Variants in R3HDM2 observed in about 807,000 individuals in gnomAD.
R3HDM2 encodes the protein R3H domain-containing protein 2.
A neutral mutation model predicts 124.5 loss-of-function variants in R3HDM2; 38 were observed. The observed-to-expected ratio is 0.31, with a 90% CI of 0.24 to 0.40. The LOEUF (loss-of-function observed/expected upper bound fraction) is 0.40, where lower values mean the gene tolerates loss of function less well. Ranked by LOEUF, R3HDM2 falls within the 10% of genes least tolerant of loss-of-function variation. The pLI, the probability that R3HDM2 is intolerant of heterozygous loss-of-function variation, is 1.00. For synonymous variants in R3HDM2, 391 were observed against 448.0 expected (o/e 0.87, Z 1.61); for missense variants, 869 against 1,236.9 (o/e 0.70, Z 4.46).
intron 14 of R3HDM2, among the ~76,000 whole-genome samples, chr12:57,275,518 A>AC (rs1444566803): frequency 2.1e-5 from 3 of 145,288 alleles, no homozygotes; most frequent in African/African-American, 5.0e-5. Flanking sequence ...AAAAAAAAAA[A>AC]CAGCAGAGGA....
intron 4 of R3HDM2, among the ~76,000 whole-genome samples, chr12:57,300,517 T>C (rs1443040187): frequency 2.0e-5 from 3 of 152,222 alleles, no homozygotes; most frequent in Non-Finnish European, 4.4e-5. Context: ...CAACATAGCA[T>C]AGTAGAAAGA....
At chr12:57,287,572 AGAAAGGACAACAGG>A (rs1041646645) in intron 12 of R3HDM2, among the ~76,000 whole-genome samples, 6 of 152,212 alleles carry the variant, frequency 3.9e-5, no homozygotes, top group Non-Finnish European at 8.8e-5. Flanking sequence ...GGCTAGCTTT[AGAAAGGACAACAGG>A]GAAAGGACAA....
chr12:57,311,346 C>A (rs1476202977), intron 2 of R3HDM2, among the ~76,000 whole-genome samples: 2 of 151,824 alleles, frequency 1.3e-5, no homozygotes, highest in African/African-American at 4.8e-5. Flanking sequence ...CTGCCTCAGC[C>A]TCCTGAGTAG....
intron 2 of R3HDM2, among the ~76,000 whole-genome samples, chr12:57,390,321 A>G (rs910968243): frequency 3.3e-5 from 5 of 152,184 alleles, no homozygotes; most frequent in Admixed American, 6.5e-5. Context: ...CTTAATCCCT[A>G]AACAGTGTTT....
intron 9 of R3HDM2, among the ~76,000 whole-genome samples, chr12:57,295,822 T>A (rs2049686195): frequency 6.6e-6 from 1 of 152,194 alleles, no homozygotes; most frequent in Non-Finnish European, 1.5e-5. Flanking sequence ...ATTAATTATA[T>A]AACCAACCCC....
chr12:57,261,585 T>C (rs908155498), intron 19 of R3HDM2, among the ~76,000 whole-genome samples: 3 of 151,986 alleles, frequency 2.0e-5, no homozygotes, highest in African/African-American at 7.3e-5. Context: ...TGTCCTGAGC[T>C]CCTCCCCACA....
At chr12:57,419,731 C>T (rs553161831) in intron 1 of R3HDM2, among the ~76,000 whole-genome samples, 4 of 152,120 alleles carry the variant, frequency 2.6e-5, no homozygotes, top group East Asian at 3.9e-4. Flanking sequence ...TGTAAGCCAC[C>T]GTGCCCAGCC....
rs948618663 is a variant in R3HDM2 at position 57,300,326 on chromosome 12, T to C, written c.208-145A>G. 4.6e-6 allele frequency: 3 copies of C among 652,028 alleles called. No homozygotes were observed. In the African/African-American group the frequency reaches 5.5e-5, roughly 12 times the overall value. 40.4% of individuals were successfully genotyped at this position (652,028 alleles called of 1,614,324 possible). On this transcript the variant is annotated intron_variant, in intron 4 of 23. Transcript: ENST00000402412. ...GCTGTTTCCATTAAACAGGGGTTTT[T>C]TTCAAACGGGTCCTACTCACCAGTT...
intron 2 of R3HDM2, among the ~76,000 whole-genome samples, chr12:57,355,727 T>G (rs764731705): frequency 3.3e-5 from 5 of 152,198 alleles, no homozygotes; most frequent in Non-Finnish European, 7.4e-5. Flanking sequence ...ATTGAATCTA[T>G]GGACATGGGA....
At chr12:57,279,653 A>G (rs2045692778) in intron 14 of R3HDM2, among the ~76,000 whole-genome samples, 1 of 151,860 alleles carries the variant, frequency 6.6e-6, no homozygotes, top group African/African-American at 2.4e-5. Context: ...AATAATAATA[A>G]CAATACATTT....
At chr12:57,409,792 C>G (rs892328949) in intron 1 of R3HDM2, among the ~76,000 whole-genome samples, 5 of 152,116 alleles carry the variant, frequency 3.3e-5, no homozygotes, top group African/African-American at 9.6e-5. Flanking sequence ...AAAATTTACC[C>G]CATAACCCCC....
chr12:57,283,640 G>A (rs1242105994), intron 13 of R3HDM2, among the ~76,000 whole-genome samples, 184 bp downstream of exon 13: 1 of 152,126 alleles, frequency 6.6e-6, no homozygotes, highest in Non-Finnish European at 1.5e-5. Context: ...TCAAGCGGCT[G>A]AGGCAGGAGA....
At chr12:57,300,243 G>T in intron 4 of R3HDM2, 62 bp from the exon 5 acceptor site, 2 of 1,370,710 alleles carry the variant, frequency 1.5e-6, no homozygotes, top group South Asian at 1.3e-5. Flanking sequence ...TCTTCCCTCG[G>T]TGAACATTCA....
At chr12:57,258,187 G>A in intron 20 of R3HDM2, 50 bp from the exon 21 acceptor site, 1 of 1,392,632 alleles carries the variant, frequency 7.2e-7, no homozygotes, top group Non-Finnish European at 9.5e-7. Context: ...ATTACCCTCT[G>A]GATATTCCTA....
At chr12:57,318,346 T>G (rs1344872869) in intron 2 of R3HDM2, among the ~76,000 whole-genome samples, 1 of 151,672 alleles carries the variant, frequency 6.6e-6, no homozygotes, top group Non-Finnish European at 1.5e-5. Context: ...GTCCAGCTCT[T>G]TAAGTAGAAA....
chr12:57,299,310 G>A lies in R3HDM2; in HGVS notation c.421+42C>T, dbSNP rs995293804. 4.0e-6 allele frequency: 6 copies of A among 1,513,352 alleles called. No homozygotes were observed. The African/African-American group carries it at 5.6e-5, about 14-fold the overall frequency. The allele number at this position is 1,513,352 out of a possible 1,614,324, so 93.7% of individuals were successfully genotyped here. A position where few individuals can be genotyped will look rare whatever the true frequency, so the allele number is the denominator to read the frequency against. On this transcript the variant is annotated intron_variant, in intron 6 of 23. Transcript: ENST00000402412. ...CCAGGCTTCAGGATAAAAGTAAAGG[G>A]CACTGCCCTAGAACAGATGAGAGAT...
chr12:57,402,781 T>A (rs964402591), intron 1 of R3HDM2, among the ~76,000 whole-genome samples: 4 of 151,872 alleles, frequency 2.6e-5, no homozygotes, highest in African/African-American at 9.7e-5. Flanking sequence ...AAAAAAAAAC[T>A]CCTGGCCTCA....
intron 2 of R3HDM2, among the ~76,000 whole-genome samples, chr12:57,343,013 T>C (rs937515066): frequency 1.8e-4 from 28 of 152,158 alleles, no homozygotes; most frequent in South Asian, 8.3e-4. Flanking sequence ...GAAGGCATCT[T>C]ACTGACAGAA....
Position 57,300,076 on chromosome 12 carries a change from A to C in R3HDM2, c.294+19T>G. The C allele has an allele frequency of 6.5e-7, 1 of 1,533,946 alleles. No homozygotes were observed. The highest frequency in any genetic ancestry group is 2.0e-5 in the Admixed American group (1 of 50,876). On this transcript the variant is annotated intron_variant, in intron 5 of 23. Transcript: ENST00000402412. ...ACTGCCAAGCGCAAAAGCTACACTT[A>C]CTCCTGCAAATGACCTACCTGGGTT...
Sources: gnomAD v4.1 joint callset for allele counts (sites outside exome capture counted in the v4.1 genomes callset) on GRCh38, gnomAD v4.1.1 for gene constraint, MANE v1.5 for transcripts, NCBI Gene and HGNC (gene_info 2026-07-23, HGNC 2026-07-21) for gene names.